The following FSHR variants were observed in gnomAD, a reference collection of about 807,000 sequenced individuals.
FSHR encodes the protein follicle stimulating hormone receptor.
Under a neutral mutation model 52.1 loss-of-function variants are expected in FSHR, and 46 were observed. The observed-to-expected ratio is 0.88, with a 90% confidence interval of 0.70 to 1.13. The LOEUF (loss-of-function observed/expected upper bound fraction) is 1.13. FSHR is among the 50% of genes most tolerant of loss of function. FSHR has a pLI of 0.00. For missense variants in FSHR, 964 were observed against 834.6 expected (o/e 1.16, Z -1.91); for synonymous variants, 399 against 309.6 (o/e 1.29, Z -3.03).
At chr2:49,143,074 G>A (rs1001431361) in intron 1 of FSHR, among the ~76,000 whole-genome samples, 1 of 152,174 alleles carries the variant, frequency 6.6e-6, no homozygotes, top group Admixed American at 6.5e-5. Context: ...CTGAATGTAG[G>A]TGATATTTAA....
chr2:49,057,349 T>C (rs1669099041), intron 2 of FSHR, among the ~76,000 whole-genome samples: 4 of 152,234 alleles, frequency 2.6e-5, no homozygotes, highest in Admixed American at 2.6e-4. Flanking sequence ...GTAGCAGTAG[T>C]AGTAACATTA....
chr2:48,992,786 A>T (rs956604051), intron 4 of FSHR, among the ~76,000 whole-genome samples: 2 of 151,956 alleles, frequency 1.3e-5, no homozygotes, highest in African/African-American at 4.8e-5. Context: ...TTTCACAGCA[A>T]AGCTTCTAGA....
chr2:48,988,892 A>G, intron 6 of FSHR, 85 bp downstream of exon 6: 2 of 1,165,264 alleles, frequency 1.7e-6, no homozygotes, highest in Non-Finnish European at 2.6e-6. Flanking sequence ...TTACCCAAAC[A>G]AAAAAGGAGC....
chr2:49,040,916 T>A lies in FSHR; in HGVS notation c.225-20756A>T, dbSNP rs562185575. Among the ~76,000 whole-genome samples the A allele has an allele frequency of 1.3e-4, 20 of 152,302 alleles. No homozygotes were observed. In the South Asian group the frequency reaches 4.1e-3, roughly 32 times the overall value. On this transcript the variant is annotated intron_variant, in intron 2 of 9. Coordinates refer to ENST00000406846, the MANE Select transcript of FSHR (RefSeq NM_000145.4). ...CGTTGATTGATAAAGAAGCATTGAT[T>A]GATTTACTGGAAAGGAAAAGTGGAC... is the stretch of plus-strand genomic sequence containing the variant.
At chr2:49,113,036 G>T (rs1428875891) in intron 1 of FSHR, among the ~76,000 whole-genome samples, 1 of 152,152 alleles carries the variant, frequency 6.6e-6, no homozygotes, top group African/African-American at 2.4e-5. Context: ...CCACTTAATA[G>T]ACCATGTATG....
chr2:48,989,001 C>G lies in FSHR; in HGVS notation c.500G>C (p.Gly167Ala). 1 of 1,613,946 alleles carries G rather than the reference C, an allele frequency of 6.2e-7. No individual in the cohort carries two copies. Among genetic ancestry groups the G allele is most frequent in the Non-Finnish European group, 8.5e-7 (1 of 1,179,944 alleles). The change falls in exon 6 of 10, where the codon GGG becomes GCG. Residue 167 changes from glycine (G) to alanine (A), a missense_variant. Transcript: ENST00000406846. ...IHTIERNSFV[G>A]LSFESVILWL... ...CAGAATCACACTTTCAAAGCTCAGC[C>G]CCACGAAAGAATTTCTTTCAATTGT... is the stretch of plus-strand genomic sequence containing the variant.
chr2:49,117,712 T>G (rs1330040276), intron 1 of FSHR, among the ~76,000 whole-genome samples: 6 of 152,190 alleles, frequency 3.9e-5, no homozygotes, highest in Admixed American at 3.9e-4. Context: ...TATTTTAACC[T>G]CTTCACTCCT....
intron 4 of FSHR, among the ~76,000 whole-genome samples, chr2:49,014,263 A>G (rs1667400655): frequency 6.6e-6 from 1 of 152,178 alleles, no homozygotes; most frequent in South Asian, 2.1e-4. Context: ...CTTAGAAAGC[A>G]GGTTTAAAAT....
intron 2 of FSHR, among the ~76,000 whole-genome samples, chr2:49,064,382 A>G (rs1011699480): frequency 2.6e-5 from 4 of 152,170 alleles, no homozygotes; most frequent in Admixed American, 6.6e-5. Flanking sequence ...TAGTGTTGCC[A>G]TTAAAAAGGG....
intron 1 of FSHR, among the ~76,000 whole-genome samples, chr2:49,131,203 T>C (rs889932223): frequency 1.3e-5 from 2 of 152,204 alleles, no homozygotes; most frequent in Non-Finnish European, 2.9e-5. Context: ...CTTTATTCAT[T>C]TGCTATTTTC....
chr2:48,963,107 T>C lies in FSHR; in HGVS notation c.1714A>G (p.Lys572Glu). 1 of 1,614,130 alleles carries C rather than the reference T, an allele frequency of 6.2e-7. No homozygotes were observed. The highest frequency in any genetic ancestry group is 1.1e-5 in the South Asian group (1 of 91,074). ...GTGAAGATGAGCATGGCCATGCGCT[T>C]GGCGATCCTGGTGTCACTAGAGGAG... ...VSSSSDTRIA[K>E]RMAMLIFTDF... Residue 572 changes from lysine (K) to glutamate (E), a missense_variant, in exon 10 of 10, where the codon AAG (lysine) becomes GAG (glutamate). Coordinates refer to ENST00000406846, the MANE Select transcript of FSHR (RefSeq NM_000145.4).
chr2:48,985,043 A>C (rs111269525), intron 6 of FSHR, among the ~76,000 whole-genome samples: 2,183 of 152,304 alleles, frequency 0.014, 46 homozygotes, highest in African/African-American at 0.045. Context: ...AACAAAGGGA[A>C]ACCCACATTT....
intron 9 of FSHR, among the ~76,000 whole-genome samples, chr2:48,965,697 C>T (rs956156444): frequency 5.3e-5 from 8 of 152,238 alleles, no homozygotes; most frequent in East Asian, 3.9e-4. Flanking sequence ...GGCTTATGGT[C>T]GCTGTCTGTG....
At chr2:49,005,434 G>C (rs1667044760) in intron 4 of FSHR, among the ~76,000 whole-genome samples, 1 of 152,098 alleles carries the variant, frequency 6.6e-6, no homozygotes, top group Non-Finnish European at 1.5e-5. Context: ...CATCCTTGTA[G>C]TCATGGCAAC....
chr2:49,021,886 T>TATATATAGAGAGAGAGAGAGAG (rs1273265515), intron 2 of FSHR, among the ~76,000 whole-genome samples: 2 of 25,122 alleles, frequency 8.0e-5, no homozygotes, highest in African/African-American at 2.9e-4. Flanking sequence ...TATATATATA[T>TATATATAGAGAGAGAGAGAGAG]AGAGAGAGAG....
At chr2:49,114,778 C>T (rs768583136) in intron 1 of FSHR, among the ~76,000 whole-genome samples, 1 of 151,922 alleles carries the variant, frequency 6.6e-6, no homozygotes, top group Non-Finnish European at 1.5e-5. Context: ...ACCCAGAATT[C>T]AAATAAAGCA....
At chr2:49,116,292 A>T (rs1572764636) in intron 1 of FSHR, among the ~76,000 whole-genome samples, 1 of 152,272 alleles carries the variant, frequency 6.6e-6, no homozygotes, top group African/African-American at 2.4e-5. Context: ...GAGTGTCTGA[A>T]GTTTTCTCCA....
At chr2:49,074,674 T>C (rs950436391) in intron 1 of FSHR, among the ~76,000 whole-genome samples, 1 of 152,108 alleles carries the variant, frequency 6.6e-6, no homozygotes, top group Non-Finnish European at 1.5e-5. Context: ...CTACTTAGAA[T>C]TTATCCCAAA....
At chr2:49,005,981 G>GA (rs1163343768) in intron 4 of FSHR, among the ~76,000 whole-genome samples, 5 of 152,088 alleles carry the variant, frequency 3.3e-5, no homozygotes, top group Admixed American at 6.6e-5. Context: ...AAAGCAGGCA[G>GA]AAAAAACGTG....
Sources: allele counts gnomAD v4.1 joint callset (sites outside exome capture counted in the v4.1 genomes callset), GRCh38; gene constraint gnomAD v4.1.1; transcripts MANE v1.5; gene names NCBI Gene and HGNC (gene_info 2026-07-23, HGNC 2026-07-21).